Variants in MACROD2 observed in about 807,000 individuals in gnomAD.
MACROD2 encodes ADP-ribose glycohydrolase MACROD2.
A neutral mutation model predicts 70.4 loss-of-function variants in MACROD2; 36 were observed. The ratio of observed to expected loss-of-function variants is 0.51; its 90% CI spans 0.39 to 0.68. The LOEUF (loss-of-function observed/expected upper bound fraction) is 0.68, where lower values mean the gene tolerates loss of function less well. Ranked by LOEUF, MACROD2 falls within the 30% of genes least tolerant of loss-of-function variation. MACROD2 has a pLI of 0.00. For missense variants in MACROD2, 496 were observed against 538.4 expected (o/e 0.92, Z 0.78); for synonymous variants, 172 against 178.8 (o/e 0.96, Z 0.30).
chr20:14,277,705 AAG>A (rs2082271622), intron 3 of MACROD2, among the ~76,000 whole-genome samples: 1 of 152,102 alleles, frequency 6.6e-6, no homozygotes, highest in African/African-American at 2.4e-5. Flanking sequence ...CTTAAAAAAA[AAG>A]AGAGAGTGAG....
chr20:14,155,062 T>G (rs2055081020), intron 3 of MACROD2, among the ~76,000 whole-genome samples: 2 of 152,186 alleles, frequency 1.3e-5, no homozygotes, highest in Non-Finnish European at 2.9e-5. Flanking sequence ...GAAATCTCTG[T>G]TAATTTGAGT....
intron 3 of MACROD2, among the ~76,000 whole-genome samples, chr20:14,233,419 G>A (rs771953972): frequency 4.6e-5 from 7 of 152,006 alleles, no homozygotes; most frequent in East Asian, 3.9e-4. Context: ...CTGGCCGGGC[G>A]CGGTGGCTCA....
chr20:15,330,223 C>T lies in MACROD2; in HGVS notation c.540+100162C>T, dbSNP rs73265052. Among the ~76,000 whole-genome samples the T allele has an allele frequency of 5.1e-3, 770 of 152,100 alleles. 8 individuals are homozygous for T. Among genetic ancestry groups the T allele is most frequent in the African/African-American group, 0.017 (725 of 41,474 alleles). ...ATTTAATATCTTCTTTGTATGGAGC[C>T]TCCACCATGAACCGAGCAATGGGCC... is the stretch of plus-strand genomic sequence containing the variant. On this transcript the variant is annotated intron_variant, in intron 6 of 17. Coordinates refer to ENST00000684519, the MANE Select transcript of MACROD2 (RefSeq NM_001351661.2).
At chr20:15,229,517 G>A (rs1228848584) in intron 5 of MACROD2, among the ~76,000 whole-genome samples, 2 of 152,114 alleles carry the variant, frequency 1.3e-5, no homozygotes, top group East Asian at 3.9e-4. Flanking sequence ...GGTTGTCTTA[G>A]AAGTAAGCTA....
intron 5 of MACROD2, among the ~76,000 whole-genome samples, chr20:14,846,744 C>T (rs2073145960): frequency 1.3e-5 from 2 of 151,058 alleles, no homozygotes; most frequent in East Asian, 1.9e-4. Flanking sequence ...GTCTTGATCT[C>T]CTGACCTTGT....
intron 4 of MACROD2, among the ~76,000 whole-genome samples, chr20:14,633,479 C>T (rs768661960): frequency 6.6e-6 from 1 of 152,046 alleles, no homozygotes; most frequent in Non-Finnish European, 1.5e-5. Context: ...ATAAAAAATC[C>T]CTATTTCTCC....
At chr20:14,782,885 C>CT (rs1434387417) in intron 5 of MACROD2, among the ~76,000 whole-genome samples, 1 of 152,116 alleles carries the variant, frequency 6.6e-6, no homozygotes, top group Non-Finnish European at 1.5e-5. Context: ...ACTAAGAACA[C>CT]TGTTCAAGGG....
At chr20:14,427,996 AC>A (rs1276854536) in intron 3 of MACROD2, among the ~76,000 whole-genome samples, 7 of 152,180 alleles carry the variant, frequency 4.6e-5, no homozygotes, top group African/African-American at 1.4e-4. Context: ...CATAATTTCT[AC>A]CATAGTAATG....
intron 5 of MACROD2, among the ~76,000 whole-genome samples, chr20:14,849,299 T>C (rs951163216): frequency 1.3e-5 from 2 of 152,202 alleles, no homozygotes; most frequent in African/African-American, 4.8e-5. Flanking sequence ...CCAACTTTAT[T>C]CAGGTTTTAC....
At chr20:15,128,433 T>C (rs2076082059) in intron 5 of MACROD2, among the ~76,000 whole-genome samples, 1 of 152,104 alleles carries the variant, frequency 6.6e-6, no homozygotes, top group Non-Finnish European at 1.5e-5. Context: ...TTAAATTATG[T>C]TTTATTGTAT....
At chr20:13,998,049 T>C (rs2052686133) in intron 1 of MACROD2, among the ~76,000 whole-genome samples, 1 of 152,164 alleles carries the variant, frequency 6.6e-6, no homozygotes. Flanking sequence ...TATAAACATA[T>C]TTTTAACTCA....
chr20:14,498,741 G>C (rs1193696163), intron 4 of MACROD2, among the ~76,000 whole-genome samples: 1 of 152,166 alleles, frequency 6.6e-6, no homozygotes, highest in Non-Finnish European at 1.5e-5. Flanking sequence ...TGTTTAAAGG[G>C]CTTTTTGAGT....
intron 2 of MACROD2, among the ~76,000 whole-genome samples, chr20:14,035,241 T>A (rs1352229267): frequency 6.6e-6 from 1 of 152,210 alleles, no homozygotes; most frequent in Admixed American, 6.5e-5. Context: ...CAGTACAGTG[T>A]TAAACAATAG....
chr20:15,347,197 T>A (rs956143031), intron 6 of MACROD2, among the ~76,000 whole-genome samples: 6 of 152,196 alleles, frequency 3.9e-5, no homozygotes, highest in African/African-American at 4.8e-5. Context: ...GTTCTTTTTC[T>A]CAATCTACCA....
chr20:15,756,693 T>C (rs2051353033), intron 8 of MACROD2, among the ~76,000 whole-genome samples: 1 of 152,192 alleles, frequency 6.6e-6, no homozygotes, highest in South Asian at 2.1e-4. Context: ...AATGCTTTTA[T>C]CATCTGAAGG....
chr20:15,481,917 T>C (rs1239267445), intron 7 of MACROD2, among the ~76,000 whole-genome samples: 3 of 151,230 alleles, frequency 2.0e-5, no homozygotes, highest in African/African-American at 7.3e-5. Flanking sequence ...GAATTTCTTC[T>C]TTTTTTTTCT....
At chr20:14,558,968 C>T (rs905398057) in intron 4 of MACROD2, among the ~76,000 whole-genome samples, 12 of 151,520 alleles carry the variant, frequency 7.9e-5, no homozygotes, top group Non-Finnish European at 1.8e-4. Flanking sequence ...CATATTATAA[C>T]ACACACACAG....
chr20:15,807,066 T>C (rs2063775824), intron 8 of MACROD2, among the ~76,000 whole-genome samples: 1 of 152,208 alleles, frequency 6.6e-6, no homozygotes, highest in South Asian at 2.1e-4. Flanking sequence ...TAATATTCCG[T>C]CCATACAAAC....
chr20:14,752,953 A>G (rs1307998053), intron 5 of MACROD2, among the ~76,000 whole-genome samples: 1 of 152,122 alleles, frequency 6.6e-6, no homozygotes, highest in African/African-American at 2.4e-5. Flanking sequence ...TCTGCAGATT[A>G]GGACCCATAA....
Sources: allele counts gnomAD v4.1 joint callset (sites outside exome capture counted in the v4.1 genomes callset), GRCh38; gene constraint gnomAD v4.1.1; transcripts MANE v1.5; gene names NCBI Gene and HGNC (gene_info 2026-07-23, HGNC 2026-07-21).